The following PRKCA variants were observed in gnomAD, a reference collection of about 807,000 sequenced individuals.
PRKCA encodes protein kinase C alpha, also known as protein kinase C alpha type.
PRKCA carries 27 observed loss-of-function variants against 87.0 expected under a neutral mutation model. The observed-to-expected ratio is 0.31, with a 90% CI of 0.23 to 0.43. The LOEUF (loss-of-function observed/expected upper bound fraction) is 0.43, where lower values mean the gene tolerates loss of function less well. Among genes scored for constraint, PRKCA ranks in the 20% least tolerant of loss-of-function variants. The pLI is 1.00. For synonymous variants in PRKCA, 329 were observed against 311.1 expected, an observed-to-expected ratio of 1.06 and a Z score of -0.61; for missense variants, 518 against 852.3, an observed-to-expected ratio of 0.61 and a Z score of 4.88.
chr17:66,336,754 TTGTGTGTGTGTG>T (rs148842588), intron 2 of PRKCA, among the ~76,000 whole-genome samples: 1,746 of 133,720 alleles, frequency 0.013, 26 homozygotes, highest in African/African-American at 0.033. Flanking sequence ...GCAAATAAGT[TTGTGTGTGTGTG>T]TGTGTGTGTG....
chr17:66,564,676 T>C (rs530532757), intron 3 of PRKCA, among the ~76,000 whole-genome samples: 25 of 152,278 alleles, frequency 1.6e-4, no homozygotes, highest in Admixed American at 4.6e-4. Context: ...ACAGTAGCAC[T>C]ACTGTTTTTA....
At chr17:66,763,067 A>T (rs1476261454) in intron 13 of PRKCA, among the ~76,000 whole-genome samples, 4 of 152,262 alleles carry the variant, frequency 2.6e-5, no homozygotes, top group Non-Finnish European at 4.4e-5. Flanking sequence ...CTGGGATTAC[A>T]GGCATGAGCC....
intron 2 of PRKCA, chr17:66,416,547 A>G (rs1030192521): frequency 2.0e-5 from 3 of 152,214 alleles, no homozygotes; most frequent in African/African-American, 7.2e-5. Context: ...ACTGACCTTA[A>G]TTATAACAGC....
intron 2 of PRKCA, among the ~76,000 whole-genome samples, chr17:66,482,861 G>A (rs1303485619): frequency 4.6e-5 from 7 of 152,108 alleles, no homozygotes; most frequent in Non-Finnish European, 8.8e-5. Flanking sequence ...TTTTGAATTT[G>A]GCAACTTCTA....
At chr17:66,744,549 C>G (rs554554409) in intron 13 of PRKCA, among the ~76,000 whole-genome samples, 3 of 152,292 alleles carry the variant, frequency 2.0e-5, no homozygotes, top group Non-Finnish European at 4.4e-5. Flanking sequence ...AACACCTCAG[C>G]TATCTAATAA....
intron 2 of PRKCA, among the ~76,000 whole-genome samples, chr17:66,410,720 C>G (rs1361215697): frequency 1.3e-5 from 2 of 152,074 alleles, no homozygotes; most frequent in Non-Finnish European, 2.9e-5. Flanking sequence ...GGACTACAGG[C>G]ATATACCACC....
intron 3 of PRKCA, among the ~76,000 whole-genome samples, chr17:66,506,805 CA>C (rs1471976685): frequency 6.6e-6 from 1 of 152,170 alleles, no homozygotes; most frequent in African/African-American, 2.4e-5. Flanking sequence ...TTGGGATCAA[CA>C]ATTGGTATGA....
intron 2 of PRKCA, among the ~76,000 whole-genome samples, chr17:66,480,121 T>A (rs1421861929): frequency 6.6e-6 from 1 of 152,200 alleles, no homozygotes; most frequent in Admixed American, 6.5e-5. Context: ...ATTTGTTTTG[T>A]AAGATTTTTC....
chr17:66,693,076 A>C (rs1223410978), intron 8 of PRKCA, among the ~76,000 whole-genome samples: 1 of 152,268 alleles, frequency 6.6e-6, no homozygotes, highest in Non-Finnish European at 1.5e-5. Flanking sequence ...CCACTGCATT[A>C]GTATTCATTC....
chr17:66,712,420 G>A (rs1199395595), intron 8 of PRKCA, among the ~76,000 whole-genome samples: 1 of 152,186 alleles, frequency 6.6e-6, no homozygotes, highest in Non-Finnish European at 1.5e-5. Context: ...AGAAACATCT[G>A]AATCACAGAG....
chr17:66,528,644 A>G (rs1382461882), intron 3 of PRKCA, among the ~76,000 whole-genome samples: 3 of 152,222 alleles, frequency 2.0e-5, no homozygotes, highest in Non-Finnish European at 4.4e-5. Flanking sequence ...CCTCCATTGT[A>G]GCCTTATGAG....
At chr17:66,640,665 C>G (rs1191128636) in intron 3 of PRKCA, among the ~76,000 whole-genome samples, 1 of 152,192 alleles carries the variant, frequency 6.6e-6, no homozygotes, top group Non-Finnish European at 1.5e-5. Flanking sequence ...GTTCACTTCA[C>G]AAACACACCG....
At chr17:66,382,228 C>T (rs1909807147) in intron 2 of PRKCA, among the ~76,000 whole-genome samples, 1 of 152,134 alleles carries the variant, frequency 6.6e-6, no homozygotes. Context: ...CTTGTGATCT[C>T]TACTCGGGGG....
chr17:66,732,655 C>A (rs1170791337), intron 8 of PRKCA, 33 bp from the exon 9 acceptor site: 2 of 1,613,410 alleles, frequency 1.2e-6, no homozygotes, highest in Admixed American at 3.3e-5. Context: ...AGAAAAATGA[C>A]CCACGTGTTT....
At chr17:66,310,711 G>C (rs1206008129) in intron 2 of PRKCA, among the ~76,000 whole-genome samples, 1 of 152,220 alleles carries the variant, frequency 6.6e-6, no homozygotes. Flanking sequence ...TGTGTGAGCT[G>C]AGGGATTCCA....
chr17:66,630,148 A>C (rs193106570), intron 3 of PRKCA, among the ~76,000 whole-genome samples: 1 of 152,322 alleles, frequency 6.6e-6, no homozygotes, highest in East Asian at 1.9e-4. Context: ...CAGTACCCCC[A>C]ATTGAATGGG....
chr17:66,754,174 G>A (rs576394779), intron 13 of PRKCA, among the ~76,000 whole-genome samples: 3 of 152,038 alleles, frequency 2.0e-5, no homozygotes, highest in Non-Finnish European at 2.9e-5. Flanking sequence ...GTTATAAAGC[G>A]AGATGTATTT....
intron 3 of PRKCA, among the ~76,000 whole-genome samples, chr17:66,541,700 G>A (rs1967994690): frequency 6.6e-6 from 1 of 152,324 alleles, no homozygotes; most frequent in South Asian, 2.1e-4. Flanking sequence ...ACTTTTTGAG[G>A]CGACAGGTTA....
intron 3 of PRKCA, among the ~76,000 whole-genome samples, chr17:66,628,897 C>T (rs551489871): frequency 2.6e-5 from 4 of 152,084 alleles, no homozygotes; most frequent in South Asian, 2.1e-4. Context: ...GGCATGTTGG[C>T]GCATGCCTGT....
Sources: gnomAD v4.1 joint callset for allele counts (sites outside exome capture counted in the v4.1 genomes callset) on GRCh38, gnomAD v4.1.1 for gene constraint, MANE v1.5 for transcripts, NCBI Gene and HGNC (gene_info 2026-07-23, HGNC 2026-07-21) for gene names.